The following GYG2 variants were observed in gnomAD, a reference collection of about 807,000 sequenced individuals.
GYG2 encodes the protein glycogenin-2.
A neutral mutation model predicts 29.4 loss-of-function variants in GYG2; 29 were observed. The observed-to-expected ratio is 0.99, with a 90% CI of 0.74 to 1.35. The LOEUF (loss-of-function observed/expected upper bound fraction) is 1.35, where lower values mean the gene tolerates loss of function less well. Among genes scored for constraint, GYG2 ranks in the 40% most tolerant of loss-of-function variants. GYG2 has a pLI of 0.00. For missense variants in GYG2, 370 were observed against 385.7 expected (o/e 0.96, Z 0.34); for synonymous variants, 167 against 172.3 (o/e 0.97, Z 0.24).
intron 3 of GYG2, among the ~76,000 whole-genome samples, chrX:2,849,015 GC>G (rs763911435): frequency 4.0e-4 from 44 of 111,319 alleles, no homozygotes; most frequent in Non-Finnish European, 7.4e-4. Context: ...GTGGGAGATC[GC>G]CCCTCCCCCA....
At chrX:2,868,628 A>G (rs1240964054) in intron 8 of GYG2, among the ~76,000 whole-genome samples, 1 of 109,991 alleles carries the variant, frequency 9.1e-6, no homozygotes, top group Non-Finnish European at 1.9e-5. Flanking sequence ...TGATGAGGGT[A>G]TTTTTCTAAA....
intron 3 of GYG2, among the ~76,000 whole-genome samples, chrX:2,852,104 A>G (rs1487215453): frequency 9.0e-6 from 1 of 111,055 alleles, no homozygotes; most frequent in Non-Finnish European, 1.9e-5. Flanking sequence ...AAAAATACAA[A>G]AAATTAGCCG....
chrX:2,880,559 C>CA (rs34506149), intron 10 of GYG2, among the ~76,000 whole-genome samples: 8 of 110,527 alleles, frequency 7.2e-5, no homozygotes, highest in African/African-American at 2.6e-4. Flanking sequence ...AACACTTAAG[C>CA]AAAAAAAATT....
intron 8 of GYG2, among the ~76,000 whole-genome samples, chrX:2,866,169 C>A: frequency 8.9e-6 from 1 of 111,974 alleles, no homozygotes; most frequent in Middle Eastern, 4.6e-3. Flanking sequence ...TCTCACTCAT[C>A]TGTGGGAGCT....
intron 2 of GYG2, among the ~76,000 whole-genome samples, chrX:2,832,104 C>T (rs1000066844): frequency 8.9e-6 from 1 of 112,959 alleles, no homozygotes; most frequent in African/African-American, 3.2e-5. Flanking sequence ...CAAGGCAAGG[C>T]GATGTGGAAG....
At chrX:2,868,456 CA>C (rs148463105) in intron 8 of GYG2, among the ~76,000 whole-genome samples, 1,986 of 32,449 alleles carry the variant, frequency 0.061, 39 homozygotes, top group African/African-American at 0.13. Flanking sequence ...GACTCCGTCT[CA>C]AAAAAAAAAA....
intron 2 of GYG2, among the ~76,000 whole-genome samples, chrX:2,831,211 A>T: frequency 8.9e-6 from 1 of 112,468 alleles, no homozygotes; most frequent in Non-Finnish European, 1.9e-5. Flanking sequence ...AGTGCATTTT[A>T]TGTATTTATT....
At chrX:2,855,239 A>C in intron 5 of GYG2, 84 bp downstream of exon 5, 1 of 836,517 alleles carries the variant, frequency 1.2e-6, no homozygotes, top group Non-Finnish European at 1.7e-6. Context: ...GCCGTTGACC[A>C]TACAGTCACA....
Position 2,854,121 on chromosome X carries a change from C to A in GYG2, c.291C>A (p.Tyr97Ter). The change falls in exon 4 of 11, where the codon TAC becomes TAA. Residue 97 changes from tyrosine to a stop codon, truncating the protein, a stop_gained. Coordinates refer to ENST00000398806, the MANE Select transcript of GYG2 (RefSeq NM_001079855.2). LOFTEE classifies it high-confidence loss of function. ...TTCACTGTTGGACTCTCACTCACTA[C>A]AGCAAGTGTGTCTTCCTGGATGCAG... The part of the protein sequence containing the change: ...TKLHCWTLTH[Y>*]SKCVFLDADT... The A allele has an allele frequency of 8.3e-7, 1 of 1,201,972 alleles. No individual in the cohort carries two copies. Among genetic ancestry groups the A allele is most frequent in the Non-Finnish European group, 1.1e-6 (1 of 888,856 alleles).
chrX:2,849,535 A>G (rs762393172), intron 3 of GYG2, among the ~76,000 whole-genome samples: 1 of 112,034 alleles, frequency 8.9e-6, no homozygotes, highest in Non-Finnish European at 1.9e-5. Flanking sequence ...AGCAGAGTGG[A>G]TGAAGAAAGC....
intron 8 of GYG2, among the ~76,000 whole-genome samples, chrX:2,871,214 T>C (rs1416175190): frequency 9.1e-6 from 1 of 109,579 alleles, no homozygotes; most frequent in Non-Finnish European, 1.9e-5. Flanking sequence ...TTAATATTTA[T>C]GGACCCCTCA....
chrX:2,847,970 A>T (rs765987419), intron 3 of GYG2, among the ~76,000 whole-genome samples: 34 of 111,680 alleles, frequency 3.0e-4, no homozygotes, highest in Admixed American at 1.9e-3. Context: ...ATATCTCCAC[A>T]TGTTGATGAA....
intron 10 of GYG2, among the ~76,000 whole-genome samples, chrX:2,880,188 G>GTGTGTT (rs1425465184): frequency 1.1e-4 from 12 of 107,417 alleles, no homozygotes; most frequent in Non-Finnish European, 2.3e-4. Context: ...GTGTGTGTGT[G>GTGTGTT]TGTTGTTACA....
chrX:2,846,504 G>A (rs2087741690), intron 3 of GYG2, among the ~76,000 whole-genome samples: 1 of 111,223 alleles, frequency 9.0e-6, no homozygotes, highest in South Asian at 3.8e-4. Context: ...TCTTCAGGGA[G>A]GCCAAGGTGG....
chrX:2,873,287 A>G (rs59058875), intron 8 of GYG2, among the ~76,000 whole-genome samples: 17,299 of 111,394 alleles, frequency 0.16, 1,031 homozygotes, highest in South Asian at 0.36. Flanking sequence ...TTAATTTTAT[A>G]TTTGGATTTT....
chrX:2,829,072 TA>T (rs1355194546), intron 1 of GYG2, 97 bp downstream of exon 1: 2 of 70,244 alleles, frequency 2.8e-5, no homozygotes, highest in Non-Finnish European at 5.3e-5. Flanking sequence ...CCCGAACGCC[TA>T]GGAGGTCTCG....
intron 9 of GYG2, among the ~76,000 whole-genome samples, chrX:2,876,377 T>G (rs190749760): frequency 3.6e-5 from 4 of 111,267 alleles, no homozygotes; most frequent in African/African-American, 1.3e-4. Context: ...TGGGCTTTTA[T>G]TGCCACATAT....
At chrX:2,856,667 C>T (rs371342352) in intron 6 of GYG2, 43 bp downstream of exon 6, 631 of 1,117,194 alleles carry the variant, frequency 5.6e-4, no homozygotes, top group Non-Finnish European at 7.2e-4. Flanking sequence ...TCTGCCACTA[C>T]CGATCCACCT....
chrX:2,859,066 T>A (rs5982898), intron 6 of GYG2, among the ~76,000 whole-genome samples: 1 of 110,289 alleles, frequency 9.1e-6, no homozygotes, highest in Non-Finnish European at 1.9e-5. Context: ...ATATAGAAAA[T>A]AAAATAACTG....
Sources: gnomAD v4.1 joint callset for allele counts (sites outside exome capture counted in the v4.1 genomes callset) on GRCh38, gnomAD v4.1.1 for gene constraint, MANE v1.5 for transcripts, NCBI Gene and HGNC (gene_info 2026-07-23, HGNC 2026-07-21) for gene names.